SEZ6: variants seen among roughly 807,000 people sequenced by gnomAD.
The protein encoded by SEZ6 is seizure related 6 homolog.
SEZ6 carries 53 observed loss-of-function variants against 101.0 expected under a neutral mutation model. The observed-to-expected ratio is 0.52, with a 90% CI of 0.42 to 0.66. SEZ6 has a LOEUF of 0.66. Ranked by LOEUF, SEZ6 falls within the 30% of genes least tolerant of loss-of-function variation. The probability of loss-of-function intolerance (pLI) is 0.00; values close to 1 mark genes in which losing one functional copy is unlikely to be tolerated. For synonymous variants in SEZ6, 488 were observed against 512.2 expected, an observed-to-expected ratio of 0.95 and a Z score of 0.64; for missense variants, 1,102 against 1,289.4, an observed-to-expected ratio of 0.85 and a Z score of 2.23.
chr17:28,981,732 G>C lies in SEZ6; in HGVS notation c.363C>G (p.Ser121Arg). 6.2e-7 allele frequency: 1 copy of C among 1,603,230 alleles called. No homozygotes were observed. Among genetic ancestry groups the C allele is most frequent in the Non-Finnish European group, 8.5e-7 (1 of 1,171,858 alleles). The change falls in exon 2 of 17, where the codon AGC (serine) becomes AGG (arginine). Residue 121 changes from serine (S) to arginine (R), a missense_variant. Transcript: ENST00000317338. ...ANQDSRPVFT[S>R]PTPAMAAVPT... ...GTACCGCAGCCATGGCTGGAGTGGG[G>C]CTGGTAAAGACAGGGCGGCTGTCCT...
intron 4 of SEZ6, among the ~76,000 whole-genome samples, chr17:28,965,057 AAAAC>A (rs1414810739): frequency 4.7e-5 from 7 of 150,034 alleles, no homozygotes; most frequent in South Asian, 4.2e-4. Context: ...ACTCCATCTC[AAAAC>A]AAACAAACAG....
At chr17:28,986,117 C>G in intron 1 of SEZ6, among the ~76,000 whole-genome samples, 1 of 152,238 alleles carries the variant, frequency 6.6e-6, no homozygotes, top group Non-Finnish European at 1.5e-5. Context: ...CGCATTAGCT[C>G]TTAAGCTGTG....
chr17:28,992,612 C>T (rs1473036193), intron 1 of SEZ6, among the ~76,000 whole-genome samples: 1 of 152,208 alleles, frequency 6.6e-6, no homozygotes, highest in African/African-American at 2.4e-5. Context: ...CTGCCCTCTC[C>T]TTGGGGCCTG....
intron 2 of SEZ6, 104 bp from the exon 3 acceptor site, chr17:28,979,917 GTGT>G: frequency 8.1e-7 from 1 of 1,238,186 alleles, no homozygotes; most frequent in Non-Finnish European, 1.1e-6. Flanking sequence ...GTGTGTGTGT[GTGT>G]GTGTGGTGAA....
At chr17:29,004,596 G>A (rs1310872055) in intron 1 of SEZ6, among the ~76,000 whole-genome samples, 2 of 152,230 alleles carry the variant, frequency 1.3e-5, no homozygotes, top group Non-Finnish European at 2.9e-5. Flanking sequence ...CGGGGGCCCA[G>A]CCTGTCCCTG....
At chr17:28,995,488 G>A (rs901415352) in intron 1 of SEZ6, among the ~76,000 whole-genome samples, 9 of 152,078 alleles carry the variant, frequency 5.9e-5, no homozygotes, top group Non-Finnish European at 1.3e-4. Context: ...CTGATTAATC[G>A]TCTCCATCCC....
At chr17:28,965,853 G>A (rs1252054340) in intron 4 of SEZ6, among the ~76,000 whole-genome samples, 2 of 152,068 alleles carry the variant, frequency 1.3e-5, no homozygotes, top group African/African-American at 4.8e-5. Flanking sequence ...TAGCTAAAAG[G>A]ATCAACCCGG....
At chr17:28,976,581 C>G (rs1414360366) in intron 3 of SEZ6, among the ~76,000 whole-genome samples, 1 of 152,166 alleles carries the variant, frequency 6.6e-6, no homozygotes, top group East Asian at 1.9e-4. Context: ...CCTGAGGAGC[C>G]ATGGGGAGCT....
chr17:29,005,179 G>A lies in SEZ6; in HGVS notation c.55+636C>T, dbSNP rs536723758. Among the ~76,000 whole-genome samples the A allele has an allele frequency of 2.0e-5, 3 of 152,228 alleles. No individual in the cohort carries two copies. The highest frequency in any genetic ancestry group is 1.9e-4 in the East Asian group (1 of 5,162). On this transcript the variant is annotated intron_variant, in intron 1 of 16. Transcript: ENST00000317338. The surrounding 1 kb of genome is among the most constrained non-coding windows in gnomAD (Gnocchi z 4.8). ...TCCCAGGATCTCCGCTGCTGCAGCC[G>A]AGGGCAGAGCCAGGAGCCAGATAGG...
rs1190643175 is a variant in SEZ6, at chr17:29,005,861, C to T, written c.9G>A (p.Pro3=). 3.4e-6 allele frequency: 5 copies of T among 1,471,818 alleles called. No homozygotes were observed. In the Admixed American group the frequency reaches 8.7e-5, roughly 26 times the overall value. The allele number at this position is 1,471,818 out of a possible 1,614,324, so 91.2% of individuals were successfully genotyped here. MR[P]VALLLLPSLL... ...GCGAGGGCAGGAGCAGCAGGGCTAC[C>T]GGGCGCATGGTGCTGGTTGCGGCCG... Residue 3 remains proline (P), a synonymous_variant, in exon 1 of 17, where the codon CCG becomes CCA. Transcript: ENST00000317338. The surrounding 1 kb of genome is among the most constrained non-coding windows in gnomAD (Gnocchi z 4.8).
chr17:28,986,918 T>C (rs1402502182), intron 1 of SEZ6, among the ~76,000 whole-genome samples: 1 of 152,232 alleles, frequency 6.6e-6, no homozygotes, highest in Non-Finnish European at 1.5e-5. Context: ...TGGCAGCCCC[T>C]GAAGAGGTGC....
Position 28,960,876 on chromosome 17 carries a change from C to T in SEZ6, c.1338G>A (p.Leu446=). 1 of 1,613,988 alleles carries T rather than the reference C, an allele frequency of 6.2e-7. No individual in the cohort carries two copies. Among genetic ancestry groups the T allele is most frequent in the Admixed American group, 1.7e-5 (1 of 60,026 alleles). Residue 446 remains leucine, a synonymous_variant, in exon 6 of 17, where the codon CTG becomes CTA. Coordinates refer to ENST00000317338, the MANE Select transcript of SEZ6 (RefSeq NM_178860.5). ...NYSNNLTCHW[L]LEAPEGQRLH... is the part of the protein sequence containing the mutation. ...GCCGCTGGCCCTCAGGAGCCTCAAG[C>T]AGCCAGTGACAGGTGAGGTTGTTGC...
At position 28,959,334 on chromosome 17, in the gene SEZ6, A is replaced by G. The variant is rs755113692; in HGVS notation, c.1910T>C (p.Val637Ala). ...EDKRIMLDIR[V>A]LRIGPGDVLT... is the part of the protein sequence containing the mutation. ...TCGGCCTGACCCGGTAGGCACTCAC[A>G]CTCGGATGTCCAGCATGATGCGCTT... The change falls in exon 9 of 17, where the codon GTG (valine) becomes GCG (alanine). Residue 637 changes from valine to alanine, a missense_variant and splice_region_variant. Coordinates refer to ENST00000317338, the MANE Select transcript of SEZ6 (RefSeq NM_178860.5). The surrounding 1 kb of genome is among the most constrained non-coding windows in gnomAD (Gnocchi z 4.4). 4 of 1,613,890 alleles carry G rather than the reference A, an allele frequency of 2.5e-6. No individual in the cohort carries two copies. The highest frequency in any genetic ancestry group is 2.2e-5 in the South Asian group (2 of 91,084).
chr17:29,005,756 C>T lies in SEZ6; in HGVS notation c.55+59G>A, dbSNP rs2152695008. On this transcript the variant is annotated intron_variant, in intron 1 of 16. Transcript: ENST00000317338. This position sits in a 1 kb window ranked among gnomAD's most constrained non-coding sequence, Gnocchi z 4.8. ...CGAAGCTGGGCACCGGGTCTCCCTT[C>T]CCACCCCTGGGGCCCCGCTCCCGCC... 1 of 1,456,200 alleles carries T rather than the reference C, an allele frequency of 6.9e-7. No homozygotes were observed. Among genetic ancestry groups the T allele is most frequent in the South Asian group, 1.3e-5 (1 of 79,482 alleles). 90.2% of individuals were successfully genotyped at this position (1,456,200 alleles called of 1,614,324 possible).
At position 28,959,519 on chromosome 17, in the gene SEZ6, G is replaced by T. The variant is rs763125148; in HGVS notation, c.1772-47C>A. On this transcript the variant is annotated intron_variant, in intron 8 of 16. Coordinates refer to ENST00000317338, the MANE Select transcript of SEZ6 (RefSeq NM_178860.5). The surrounding 1 kb of genome is among the most constrained non-coding windows in gnomAD (Gnocchi z 4.4). ...GAAGGGTCTTTTCAAGCTTACCATG[G>T]TGTTGCTTACCATCTGCCCGCAGGA... 5 of 1,598,048 alleles carry T rather than the reference G, an allele frequency of 3.1e-6. No homozygotes were observed. The highest frequency in any genetic ancestry group is 3.4e-5 in the Admixed American group (2 of 59,696).
At position 28,955,941 on chromosome 17, in the gene SEZ6, G is replaced by A. The variant is rs777947390; in HGVS notation, c.*21C>T. 1 of 1,610,858 alleles carries A rather than the reference G, an allele frequency of 6.2e-7. No individual in the cohort carries two copies. The highest frequency in any genetic ancestry group is 1.1e-5 in the South Asian group (1 of 90,166). On this transcript the variant is annotated 3_prime_UTR_variant, in exon 17 of 17. Coordinates refer to ENST00000317338, the MANE Select transcript of SEZ6 (RefSeq NM_178860.5). ...AAGTCTGAGTTGACTTCCCTAGACT[G>A]CCCCCACCTAGATGGAGACTTCATA... is the stretch of plus-strand genomic sequence containing the variant.
chr17:28,987,703 C>T (rs921905987), intron 1 of SEZ6, among the ~76,000 whole-genome samples: 5 of 152,108 alleles, frequency 3.3e-5, no homozygotes, highest in Admixed American at 1.3e-4. Flanking sequence ...TTCACTTACT[C>T]GGTGCCCACT....
Position 28,960,690 on chromosome 17 carries a change from A to G in SEZ6, c.1410-19T>C, listed in dbSNP as rs2040964021. 9.9e-6 allele frequency: 16 copies of G among 1,611,470 alleles called. No homozygotes were observed. The East Asian group carries it at 3.6e-4, about 36-fold the overall frequency. On this transcript the variant is annotated intron_variant, in intron 6 of 16. Coordinates refer to ENST00000317338, the MANE Select transcript of SEZ6 (RefSeq NM_178860.5). ...GATGAGCCTGAACCAGGAGAGTGGC[A>G]GCTATGTAGGCTGGTGGCTGACCCA...
chr17:28,958,625 A>G (rs1054853572), intron 10 of SEZ6, among the ~76,000 whole-genome samples: 4 of 152,266 alleles, frequency 2.6e-5, no homozygotes, highest in African/African-American at 9.6e-5. Context: ...TCCGGTCTCC[A>G]CTAAAAATAA....
Sources: gnomAD v4.1 joint callset for allele counts (sites outside exome capture counted in the v4.1 genomes callset) on GRCh38, gnomAD v4.1.1 for gene constraint, Gnocchi (gnomAD v3.1) non-coding constraint, MANE v1.5 for transcripts, NCBI Gene and HGNC (gene_info 2026-07-23, HGNC 2026-07-21) for gene names.